Variants in WDR41 observed in about 807,000 individuals in gnomAD.
WDR41 encodes WD repeat domain 41, also known as WD repeat-containing protein 41.
WDR41 carries 63 observed loss-of-function variants against 69.3 expected under a neutral mutation model. The observed-to-expected ratio is 0.91, with a 90% confidence interval of 0.74 to 1.12. WDR41 has a LOEUF of 1.12. Among genes scored for constraint, WDR41 ranks in the 50% most tolerant of loss-of-function variants. The pLI is 0.00. For synonymous variants in WDR41, 185 were observed against 192.1 expected (o/e 0.96, Z 0.31); for missense variants, 543 against 534.5 (o/e 1.02, Z -0.16).
intron 1 of WDR41, among the ~76,000 whole-genome samples, chr5:77,570,087 C>A (rs1028933450): frequency 6.6e-5 from 10 of 152,052 alleles, no homozygotes; most frequent in African/African-American, 2.4e-4. Context: ...GTCCCAATAC[C>A]TTCCTAGATA....
chr5:77,594,466 A>T (rs901953938), intron 1 of WDR41, among the ~76,000 whole-genome samples: 3 of 152,060 alleles, frequency 2.0e-5, no homozygotes, highest in Non-Finnish European at 4.4e-5. Flanking sequence ...AAAATAAATA[A>T]TTAAATACAT....
chr5:77,521,517 T>A (rs1301015573), intron 1 of WDR41, among the ~76,000 whole-genome samples: 1 of 152,238 alleles, frequency 6.6e-6, no homozygotes, highest in African/African-American at 2.4e-5. Context: ...AATGAAAATA[T>A]TATACCAAAA....
intron 2 of WDR41, among the ~76,000 whole-genome samples, chr5:77,477,813 A>T (rs1253183196): frequency 7.4e-6 from 1 of 134,842 alleles, no homozygotes; most frequent in Non-Finnish European, 1.5e-5. Context: ...AAGGCAAGAA[A>T]TAACTAAAAT....
chr5:77,549,514 C>T (rs1193332845), intron 1 of WDR41, among the ~76,000 whole-genome samples: 1 of 151,806 alleles, frequency 6.6e-6, no homozygotes, highest in Non-Finnish European at 1.5e-5. Context: ...ACAATAGCCG[C>T]TCCAAAAAAA....
At chr5:77,495,687 A>G (rs1353448317), upstream of WDR41, among the ~76,000 whole-genome samples, 4 of 152,062 alleles carry the variant, frequency 2.6e-5, no homozygotes, top group Non-Finnish European at 5.9e-5. Context: ...TCTACCAAAC[A>G]TTTAAAGAAG....
At chr5:77,533,483 C>T (rs538242420) in intron 1 of WDR41, among the ~76,000 whole-genome samples, 3 of 152,118 alleles carry the variant, frequency 2.0e-5, no homozygotes, top group African/African-American at 7.2e-5. Flanking sequence ...TACAAAGATA[C>T]GTTTTTCAGA....
chr5:77,584,754 A>G (rs555933561), intron 1 of WDR41, among the ~76,000 whole-genome samples: 105 of 152,336 alleles, frequency 6.9e-4, no homozygotes, highest in African/African-American at 1.6e-3. Context: ...AGGTGCTGGG[A>G]TAATTGGCAA....
intron 1 of WDR41, among the ~76,000 whole-genome samples, chr5:77,510,417 C>T (rs546247936): frequency 6.6e-6 from 1 of 152,242 alleles, no homozygotes; most frequent in African/African-American, 2.4e-5. Flanking sequence ...CAGAGCCAAA[C>T]CATATCACCA....
At chr5:77,603,202 C>T (rs1580047141) in intron 1 of WDR41, among the ~76,000 whole-genome samples, 1 of 152,310 alleles carries the variant, frequency 6.6e-6, no homozygotes, top group South Asian at 2.1e-4. Context: ...TCCCAAAGTG[C>T]TGGGATTACA....
intron 1 of WDR41, among the ~76,000 whole-genome samples, chr5:77,567,553 G>A (rs1743656400): frequency 6.7e-6 from 1 of 149,608 alleles, no homozygotes; most frequent in African/African-American, 2.5e-5. Context: ...TCATTCTCAA[G>A]CAGTAGTACA....
chr5:77,432,522 A>AT lies in WDR41; in HGVS notation c.*612dup, dbSNP rs1336101256. On this transcript the variant is annotated 3_prime_UTR_variant, in exon 13 of 13. Transcript: ENST00000296679. ...ATTTAGCCCATGGCTCTTCAAGCCA[A>AT]TTCACACTGGGAAAAACACACCCTC... 1.3e-5 allele frequency: 2 copies of AT among 152,334 alleles called. No homozygotes were observed. Among genetic ancestry groups the AT allele is most frequent in the Non-Finnish European group, 2.9e-5 (2 of 68,046 alleles). The allele number at this position is 152,334 out of a possible 1,614,324, so 9.4% of individuals were successfully genotyped here. A position where few individuals can be genotyped will look rare whatever the true frequency, so the allele number is the denominator to read the frequency against.
chr5:77,554,740 G>T (rs1743360359), intron 1 of WDR41, among the ~76,000 whole-genome samples: 1 of 151,386 alleles, frequency 6.6e-6, no homozygotes, highest in Non-Finnish European at 1.5e-5. Flanking sequence ...TAGTTATAAA[G>T]AGCAACAGGA....
intron 1 of WDR41, among the ~76,000 whole-genome samples, chr5:77,536,645 C>G (rs180689225): frequency 1.4e-4 from 21 of 152,264 alleles, no homozygotes; most frequent in Admixed American, 1.0e-3. Context: ...TTTTACCGTA[C>G]CTTTTCTATG....
chr5:77,563,748 A>G (rs1743566014), intron 1 of WDR41, among the ~76,000 whole-genome samples: 2 of 152,186 alleles, frequency 1.3e-5, no homozygotes, highest in Admixed American at 1.3e-4. Context: ...AATGATTTAA[A>G]ACATTATTTT....
At chr5:77,599,451 C>T (rs1041816601) in intron 1 of WDR41, among the ~76,000 whole-genome samples, 7 of 152,020 alleles carry the variant, frequency 4.6e-5, no homozygotes, top group African/African-American at 1.4e-4. Flanking sequence ...CTGCCTGCCT[C>T]GGCCTCCCAA....
intron 2 of WDR41, among the ~76,000 whole-genome samples, chr5:77,475,762 G>A (rs544153606): frequency 1.1e-4 from 17 of 152,168 alleles, no homozygotes; most frequent in South Asian, 2.1e-4. Context: ...AAAGCAGAGC[G>A]CCTCTCCTCC....
At chr5:77,575,046 G>C (rs1297868359) in intron 1 of WDR41, among the ~76,000 whole-genome samples, 1 of 151,828 alleles carries the variant, frequency 6.6e-6, no homozygotes, top group Non-Finnish European at 1.5e-5. Context: ...AATGCATTCA[G>C]AAAATTTAAA....
intron 1 of WDR41, among the ~76,000 whole-genome samples, chr5:77,597,803 A>G (rs538859253): frequency 6.6e-6 from 1 of 152,202 alleles, no homozygotes; most frequent in Non-Finnish European, 1.5e-5. Flanking sequence ...ATTATTTTTC[A>G]AACACATCCA....
chr5:77,590,211 T>C (rs545873373), intron 1 of WDR41, among the ~76,000 whole-genome samples: 102 of 152,324 alleles, frequency 6.7e-4, no homozygotes, highest in African/African-American at 2.3e-3. Context: ...GTTTTATAGA[T>C]AGCTGGATTA....
Sources: allele counts gnomAD v4.1 joint callset (sites outside exome capture counted in the v4.1 genomes callset), GRCh38; gene constraint gnomAD v4.1.1; transcripts MANE v1.5; gene names NCBI Gene and HGNC (gene_info 2026-07-23, HGNC 2026-07-21).